The following ACAD8 variants were observed in gnomAD, a reference collection of about 807,000 sequenced individuals.
ACAD8 encodes the protein acyl-CoA dehydrogenase family member 8.
Under a neutral mutation model 53.1 loss-of-function variants are expected in ACAD8, and 47 were observed. The observed-to-expected ratio is 0.89, with a 90% CI of 0.70 to 1.13. The LOEUF (loss-of-function observed/expected upper bound fraction) is 1.13. Ranked by LOEUF, ACAD8 falls within the 50% of genes most tolerant of loss-of-function variation. The pLI is 0.00. For synonymous variants in ACAD8, 198 were observed against 201.3 expected, an observed-to-expected ratio of 0.98 and a Z score of 0.14; for missense variants, 494 against 535.0, an observed-to-expected ratio of 0.92 and a Z score of 0.76.
rs1294971620 is a variant in ACAD8 at position 134,256,605 on chromosome 11, C to G, written c.167C>G (p.Ala56Gly). 1 of 1,614,094 alleles carries G rather than the reference C, an allele frequency of 6.2e-7. No individual in the cohort carries two copies. Among genetic ancestry groups the G allele is most frequent in the African/African-American group, 1.3e-5 (1 of 74,930 alleles). Residue 56 changes from alanine to glycine, a missense_variant, in exon 2 of 11, where the codon GCT becomes GGT. Coordinates refer to ENST00000281182, the MANE Select transcript of ACAD8 (RefSeq NM_014384.3). Reference sequence around the variant, plus strand: ...TTTCAAAAAGTGGCCTTTGACTTTGCTGCCCGAGAGATGGCTCCAAATATG... The same window carrying G: ...TTTCAAAAAGTGGCCTTTGACTTTGGTGCCCGAGAGATGGCTCCAAATATG... ...KEFQKVAFDF[A>G]AREMAPNMAE...
rs1186080110 is a variant in ACAD8 at position 134,263,999 on chromosome 11, C to G, written c.1196-909C>G. ...AAAATGTTTTCATTCTTTTGTAAGTCAGTTTTCTGATTACCAAAGAAATGT... is the reference window on the plus strand; with the variant it reads ...AAAATGTTTTCATTCTTTTGTAAGTGAGTTTTCTGATTACCAAAGAAATGT... On this transcript the variant is annotated intron_variant, in intron 10 of 10. Coordinates refer to ENST00000281182, the MANE Select transcript of ACAD8 (RefSeq NM_014384.3). The G allele has an allele frequency of 5.1e-6, 5 of 985,138 alleles. No individual in the cohort carries two copies. In the African/African-American group the frequency reaches 8.7e-5, roughly 17 times the overall value. 61.0% of individuals were successfully genotyped at this position (985,138 alleles called of 1,614,324 possible).
At chr11:134,256,172 G>A (rs1037730221) in intron 1 of ACAD8, among the ~76,000 whole-genome samples, 3 of 152,252 alleles carry the variant, frequency 2.0e-5, no homozygotes. Flanking sequence ...CTCCTGAAGT[G>A]CTGGGATTAT....
rs1480631595 is a variant in ACAD8 at position 134,261,356 on chromosome 11, C to T, written c.923C>T (p.Pro308Leu). Residue 308 changes from proline (P) to leucine (L), a missense_variant, in exon 8 of 11, where the codon CCT becomes CTT. By Grantham distance (98) the Pro-to-Leu change is moderately conservative. Coordinates refer to ENST00000281182, the MANE Select transcript of ACAD8 (RefSeq NM_014384.3). This position sits in a 1 kb window ranked among gnomAD's most constrained non-coding sequence, Gnocchi z 4.2. ...AATGTCCGGAAGCAGTTTGGAGAGC[C>T]TCTGGCCAGTAACCAGGTAACCTCT... ...HLNVRKQFGE[P>L]LASNQYLQFT... 1 of 1,614,042 alleles carries T rather than the reference C, an allele frequency of 6.2e-7. No individual in the cohort carries two copies. Among genetic ancestry groups the T allele is most frequent in the Admixed American group, 1.7e-5 (1 of 59,996 alleles).
Position 134,265,829 on chromosome 11 carries a change from ACT to A in ACAD8, c.*873_*874del, listed in dbSNP as rs1940139522. 1 of 151,776 alleles carries A rather than the reference ACT, an allele frequency of 6.6e-6. No homozygotes were observed. The highest frequency in any genetic ancestry group is 2.4e-5 in the African/African-American group (1 of 41,292). The allele number at this position is 151,776 out of a possible 1,614,324, so 9.4% of individuals were successfully genotyped here. On this transcript the variant is annotated 3_prime_UTR_variant, in exon 11 of 11. Coordinates refer to ENST00000281182, the MANE Select transcript of ACAD8 (RefSeq NM_014384.3). The stretch of plus-strand genomic sequence containing the variant: ...CTTAACTGGATTTTGGAATAATAAA[ACT>A]CTCGTCCAATTTGGCTTTTAAAAAG...
At position 134,264,951 on chromosome 11, in the gene ACAD8, T is replaced by G. The variant is rs568338668; in HGVS notation, c.1239T>G (p.Leu413=). 2 of 1,614,198 alleles carry G rather than the reference T, an allele frequency of 1.2e-6. No individual in the cohort carries two copies. The highest frequency in any genetic ancestry group is 4.5e-5 in the East Asian group (2 of 44,890). Reference sequence around the variant, plus strand: ...GGATACTGATCTCTAGAAGCCTGCTTCAGGAGTAGAACCCACACTTGTTCT... The same window carrying G: ...GGATACTGATCTCTAGAAGCCTGCTGCAGGAGTAGAACCCACACTTGTTCT... ...VMRILISRSL[L]QE The change falls in exon 11 of 11, where the codon CTT becomes CTG. Residue 413 remains leucine (L), a synonymous_variant. Transcript: ENST00000281182.
intron 10 of ACAD8, chr11:134,264,059 A>G: frequency 1.0e-6 from 1 of 984,892 alleles, no homozygotes; most frequent in Non-Finnish European, 1.2e-6. Context: ...AATTAGGAAA[A>G]GTAGGCTGGG....
At chr11:134,258,675 T>C in intron 4 of ACAD8, 51 bp downstream of exon 4, 7 of 1,348,354 alleles carry the variant, frequency 5.2e-6, no homozygotes, top group South Asian at 1.2e-5. Flanking sequence ...TGCTTCCTGC[T>C]CAGATGGCAT....
intron 4 of ACAD8, 37 bp downstream of exon 4, chr11:134,258,661 G>GCATCTCTCCCTGCTAT: frequency 1.4e-6 from 2 of 1,470,546 alleles, no homozygotes; most frequent in Non-Finnish European, 1.9e-6. Context: ...ATAGCAGGGA[G>GCATCTCTCCCTGCTAT]AGATGCTTCC....
At position 134,265,082 on chromosome 11, in the gene ACAD8, C is replaced by T; in HGVS notation, c.*122C>T. 1 of 1,058,140 alleles carries T rather than the reference C, an allele frequency of 9.5e-7. No homozygotes were observed. The highest frequency in any genetic ancestry group is 1.5e-6 in the Non-Finnish European group (1 of 682,144). 65.5% of individuals were successfully genotyped at this position (1,058,140 alleles called of 1,614,324 possible). ...ACCCAAGGGCTGAGCTCCTCTAGGG[C>T]AGGACCTGCACCCTGTGTGTTGGCA... is the stretch of plus-strand genomic sequence containing the variant. On this transcript the variant is annotated 3_prime_UTR_variant, in exon 11 of 11. Coordinates refer to ENST00000281182, the MANE Select transcript of ACAD8 (RefSeq NM_014384.3).
At chr11:134,255,684 A>G (rs1939489481) in intron 1 of ACAD8, among the ~76,000 whole-genome samples, 1 of 151,976 alleles carries the variant, frequency 6.6e-6, no homozygotes, top group African/African-American at 2.4e-5. Flanking sequence ...AATCCTCAGA[A>G]CTCTTCATTT....
intron 1 of ACAD8, among the ~76,000 whole-genome samples, chr11:134,255,215 C>T (rs780785239): frequency 6.6e-6 from 1 of 152,216 alleles, no homozygotes; most frequent in Non-Finnish European, 1.5e-5. Flanking sequence ...CAACTCACCG[C>T]AACCTCTGCC....
Position 134,257,182 on chromosome 11 carries a change from G to T in ACAD8, c.305G>T (p.Arg102Leu), listed in dbSNP as rs143823240. 475 of 1,614,056 alleles carry T rather than the reference G, an allele frequency of 2.9e-4. No individual in the cohort carries two copies. The highest frequency in any genetic ancestry group is 3.9e-4 in the Non-Finnish European group (458 of 1,180,046). Residue 102 changes from arginine (R) to leucine (L), a missense_variant, in exon 3 of 11, where the codon CGT becomes CTT. Physicochemically the swap from Arg to Leu is moderately radical, Grantham distance 102. Transcript: ENST00000281182. ...QTDVGGSGLSRLDTSVIFEAL... is the reference protein window; with the variant it reads ...QTDVGGSGLSLLDTSVIFEAL... ...GATGTGGGCGGGTCTGGGCTGTCACGTCTTGATACCTCTGTCATTTTTGAA... is the reference window on the plus strand; with the variant it reads ...GATGTGGGCGGGTCTGGGCTGTCACTTCTTGATACCTCTGTCATTTTTGAA...
chr11:134,254,642 C>T (rs1225961793), intron 1 of ACAD8, among the ~76,000 whole-genome samples: 3 of 152,186 alleles, frequency 2.0e-5, no homozygotes, highest in Admixed American at 1.3e-4. Flanking sequence ...CCTGGCCTAG[C>T]GCTTAGAATT....
Position 134,264,945 on chromosome 11 carries a change from C to T in ACAD8, c.1233C>T (p.Ser411=), listed in dbSNP as rs146145710. The T allele has an allele frequency of 4.3e-5, 70 of 1,614,080 alleles. No homozygotes were observed. Among genetic ancestry groups the T allele is most frequent in the African/African-American group, 1.3e-5 (1 of 74,934 alleles). ...TGATGAGGATACTGATCTCTAGAAG[C>T]CTGCTTCAGGAGTAGAACCCACACT... ...NEVMRILISR[S]LLQE is the part of the protein sequence containing the mutation. Residue 411 remains serine (S), a synonymous_variant, in exon 11 of 11, where the codon AGC becomes AGT. Transcript: ENST00000281182.
At chr11:134,263,964 C>T (rs1471840886) in intron 10 of ACAD8, 4 of 985,222 alleles carry the variant, frequency 4.1e-6, no homozygotes, top group African/African-American at 3.5e-5. Context: ...TTGATACCCT[C>T]CTTTCAGGGA....
chr11:134,253,843 G>T (rs1939281373), intron 1 of ACAD8, 134 bp downstream of exon 1: 1 of 970,200 alleles, frequency 1.0e-6, no homozygotes, highest in Non-Finnish European at 1.6e-6. Flanking sequence ...CACCCCCCCG[G>T]CCTGGCTCCC....
intron 10 of ACAD8, 25 bp downstream of exon 10, chr11:134,262,647 C>T: frequency 6.2e-7 from 1 of 1,601,952 alleles, no homozygotes; most frequent in Non-Finnish European, 8.5e-7. Context: ...AGGTTATTCT[C>T]TTCCCTTCAG....
chr11:134,261,827 G>A lies in ACAD8; in HGVS notation c.1029G>A (p.Glu343=), dbSNP rs2136083445. The change falls in exon 9 of 11, where the codon GAG becomes GAA. Residue 343 remains glutamate, a synonymous_variant. Transcript: ENST00000281182. The surrounding 1 kb of genome is among the most constrained non-coding windows in gnomAD (Gnocchi z 4.2). ...VRNAAVALQE[E]RKDAVALCSM... ...ATGCAGCAGTGGCTCTGCAGGAGGA[G>A]AGGAAGGATGCAGTGGCCTTGTGCT... The A allele has an allele frequency of 6.2e-7, 1 of 1,614,226 alleles. No individual in the cohort carries two copies. Among genetic ancestry groups the A allele is most frequent in the Non-Finnish European group, 8.5e-7 (1 of 1,180,044 alleles).
At chr11:134,257,792 T>C (rs1288568640) in intron 3 of ACAD8, 1 of 181,848 alleles carries the variant, frequency 5.5e-6, no homozygotes, top group Non-Finnish European at 1.2e-5. Flanking sequence ...GAAATCTTAT[T>C]TTGAGCTGGT....
Sources: allele counts gnomAD v4.1 joint callset (sites outside exome capture counted in the v4.1 genomes callset), GRCh38; gene constraint gnomAD v4.1.1; non-coding constraint Gnocchi (gnomAD v3.1); transcripts MANE v1.5; gene names NCBI Gene and HGNC (gene_info 2026-07-23, HGNC 2026-07-21).